Variants in JAM2 observed in about 807,000 individuals in gnomAD.
The protein encoded by JAM2 is junctional adhesion molecule B.
Under a neutral mutation model 42.0 loss-of-function variants are expected in JAM2, and 17 were observed. That is an observed-to-expected ratio of 0.40 (90% CI 0.28 to 0.61). JAM2 has a LOEUF of 0.61. JAM2 is among the 20% of genes least tolerant of loss of function. The probability of loss-of-function intolerance (pLI) is 0.37; values close to 1 mark genes in which losing one functional copy is unlikely to be tolerated. For synonymous variants in JAM2, 118 were observed against 128.6 expected (o/e 0.92, Z 0.56); for missense variants, 319 against 358.3 (o/e 0.89, Z 0.89).
chr21:25,673,463 A>G (rs930828347), intron 1 of JAM2, among the ~76,000 whole-genome samples: 2 of 152,232 alleles, frequency 1.3e-5, no homozygotes, highest in Admixed American at 1.3e-4. Context: ...TTGTGCATAA[A>G]TATACACGGT....
At chr21:25,698,961 A>G in intron 5 of JAM2, 82 bp downstream of exon 5, 1 of 1,237,564 alleles carries the variant, frequency 8.1e-7, no homozygotes, top group South Asian at 1.3e-5. Context: ...GACGTTTAAT[A>G]GAGAGCTGAT....
At chr21:25,695,615 T>C (rs2033993847) in intron 4 of JAM2, among the ~76,000 whole-genome samples, 1 of 120,280 alleles carries the variant, frequency 8.3e-6, no homozygotes, top group Non-Finnish European at 1.7e-5. Context: ...CCCCCCCACC[T>C]CCCTCCCGGA....
intron 1 of JAM2, among the ~76,000 whole-genome samples, chr21:25,675,691 G>T (rs1176226498): frequency 6.6e-6 from 1 of 152,006 alleles, no homozygotes; most frequent in Non-Finnish European, 1.5e-5. Flanking sequence ...TCTCAGGAGA[G>T]CTCGCTCACT....
chr21:25,699,995 A>T (rs2034132742), intron 5 of JAM2, among the ~76,000 whole-genome samples: 1 of 152,162 alleles, frequency 6.6e-6, no homozygotes, highest in Middle Eastern at 3.2e-3. Flanking sequence ...ATGACTGTAG[A>T]TCAACAACAG....
chr21:25,710,712 C>T (rs1301339947), intron 8 of JAM2, among the ~76,000 whole-genome samples: 1 of 152,102 alleles, frequency 6.6e-6, no homozygotes, highest in Admixed American at 6.6e-5. Context: ...ACAAAAGTAG[C>T]GGTGGGGGCA....
At chr21:25,709,620 G>T in intron 8 of JAM2, 171 bp downstream of exon 8, 1 of 445,212 alleles carries the variant, frequency 2.2e-6, no homozygotes, top group Non-Finnish European at 4.2e-6. Context: ...TTCTTGCATT[G>T]CTGTAAGAAA....
chr21:25,653,183 A>G (rs1167740836), intron 1 of JAM2, among the ~76,000 whole-genome samples: 2 of 152,240 alleles, frequency 1.3e-5, no homozygotes, highest in African/African-American at 4.8e-5. Flanking sequence ...GGGAGGCCCT[A>G]GAAATCATAC....
intron 1 of JAM2, among the ~76,000 whole-genome samples, chr21:25,641,705 T>A (rs1401540676): frequency 6.6e-6 from 1 of 152,226 alleles, no homozygotes; most frequent in Admixed American, 6.5e-5. Context: ...CCCACATTGT[T>A]AATATCTTAC....
At chr21:25,663,039 T>C (rs2033129714) in intron 1 of JAM2, among the ~76,000 whole-genome samples, 2 of 152,238 alleles carry the variant, frequency 1.3e-5, no homozygotes, top group Admixed American at 6.5e-5. Context: ...TTACTTTTCT[T>C]GACAGTTAAG....
At chr21:25,639,971 A>G in intron 1 of JAM2, 83 bp downstream of exon 1, 1 of 1,045,734 alleles carries the variant, frequency 9.6e-7, no homozygotes, top group Non-Finnish European at 1.4e-6. Flanking sequence ...GCTGGCTGAC[A>G]GTGTCTGGGC....
At chr21:25,643,892 C>T (rs570987099) in intron 1 of JAM2, 1 of 152,178 alleles carries the variant, frequency 6.6e-6, no homozygotes, top group Non-Finnish European at 1.5e-5. Flanking sequence ...TGGTTTCCTC[C>T]TGTGGGCCTT....
chr21:25,642,389 A>G (rs2032471808), intron 1 of JAM2, among the ~76,000 whole-genome samples: 1 of 152,268 alleles, frequency 6.6e-6, no homozygotes, highest in Non-Finnish European at 1.5e-5. Flanking sequence ...TTATAATCCA[A>G]TACTATTTTA....
intron 1 of JAM2, among the ~76,000 whole-genome samples, chr21:25,676,146 G>A (rs908716490): frequency 6.6e-6 from 1 of 151,860 alleles, no homozygotes; most frequent in African/African-American, 2.4e-5. Flanking sequence ...AAATTAGCCA[G>A]GTGTGGTGGC....
intron 1 of JAM2, among the ~76,000 whole-genome samples, chr21:25,662,298 C>G (rs938864855): frequency 3.3e-5 from 5 of 152,098 alleles, no homozygotes; most frequent in African/African-American, 1.2e-4. Flanking sequence ...TAGGCTCATG[C>G]CACCATGCCT....
At chr21:25,693,293 T>TGTCGCCCA (rs2033922206) in intron 3 of JAM2, among the ~76,000 whole-genome samples, 1 of 151,944 alleles carries the variant, frequency 6.6e-6, no homozygotes, top group African/African-American at 2.4e-5. Flanking sequence ...AGTTTCTCTC[T>TGTCGCCCA]GTCGCCCAGG....
chr21:25,706,971 C>T (rs756425911), intron 7 of JAM2, among the ~76,000 whole-genome samples: 2 of 152,100 alleles, frequency 1.3e-5, no homozygotes, highest in East Asian at 1.9e-4. Flanking sequence ...ATCTCCTGAC[C>T]TCCTGATCCA....
At chr21:25,651,076 A>AC (rs199818070) in intron 1 of JAM2, among the ~76,000 whole-genome samples, 7,488 of 149,368 alleles carry the variant, frequency 0.05, 204 homozygotes, top group Middle Eastern at 0.077. Flanking sequence ...AAAAAAAAAA[A>AC]AAAAAAACAA....
rs2034405064 is a variant in JAM2, at chr21:25,712,531, T to C, written c.864+149T>C. 11 of 588,464 alleles carry C rather than the reference T, an allele frequency of 1.9e-5. 1 individual carries two copies. In the South Asian group the frequency reaches 2.4e-4, roughly 13 times the overall value. 36.5% of individuals were successfully genotyped at this position (588,464 alleles called of 1,614,324 possible). ...TGGTGTTTAAAAGGAGCTAAGTAGA[T>C]GTTAGCTTCTGTACCCTGTCTAGGA... On this transcript the variant is annotated intron_variant, in intron 9 of 9. Transcript: ENST00000480456.
chr21:25,656,380 T>C (rs1301319295), intron 1 of JAM2, among the ~76,000 whole-genome samples: 1 of 152,222 alleles, frequency 6.6e-6, no homozygotes, highest in Non-Finnish European at 1.5e-5. Context: ...TTCTAAAATA[T>C]TCATTTAATG....
Sources: allele counts gnomAD v4.1 joint callset (sites outside exome capture counted in the v4.1 genomes callset), GRCh38; gene constraint gnomAD v4.1.1; transcripts MANE v1.5; gene names NCBI Gene and HGNC (gene_info 2026-07-23, HGNC 2026-07-21).